The following STXBP5 variants were observed in gnomAD, a reference collection of about 807,000 sequenced individuals.
STXBP5 encodes syntaxin binding protein 5.
STXBP5 carries 50 observed loss-of-function variants against 152.4 expected under a neutral mutation model. The observed-to-expected ratio is 0.33, with a 90% CI of 0.26 to 0.42. The LOEUF (loss-of-function observed/expected upper bound fraction) is 0.42. Ranked by LOEUF, STXBP5 falls within the 10% of genes least tolerant of loss-of-function variation. The pLI is 1.00. For missense variants in STXBP5, 1,167 were observed against 1,388.6 expected (o/e 0.84, Z 2.54); for synonymous variants, 492 against 494.7 (o/e 0.99, Z 0.07).
intron 9 of STXBP5, chr6:147,292,580 C>G (rs1311232292): frequency 2.6e-5 from 4 of 151,978 alleles, no homozygotes; most frequent in Non-Finnish European, 5.8e-5. Flanking sequence ...TACATTTGTC[C>G]TATGGCAAAG....
At chr6:147,248,302 C>T (rs1346121235) in intron 4 of STXBP5, among the ~76,000 whole-genome samples, 1 of 150,006 alleles carries the variant, frequency 6.7e-6, no homozygotes, top group Non-Finnish European at 1.5e-5. Flanking sequence ...AAAAAAACTA[C>T]TTAGCTCTGC....
chr6:147,359,663 A>C (rs191880940), intron 23 of STXBP5, among the ~76,000 whole-genome samples: 1 of 127,678 alleles, frequency 7.8e-6, no homozygotes, highest in South Asian at 2.5e-4. Flanking sequence ...TCCCGTGTCC[A>C]TGTGTTCTCA....
At chr6:147,328,643 C>T in intron 18 of STXBP5, 1 of 458,774 alleles carries the variant, frequency 2.2e-6, no homozygotes. Context: ...CCCAACCATA[C>T]CATTCTAGTA....
chr6:147,276,881 G>T (rs1466068266), intron 7 of STXBP5, among the ~76,000 whole-genome samples: 1 of 152,048 alleles, frequency 6.6e-6, no homozygotes, highest in African/African-American at 2.4e-5. Flanking sequence ...AGCTCCTTAG[G>T]AATTAGAATC....
At chr6:147,230,764 G>C (rs781481029) in intron 2 of STXBP5, among the ~76,000 whole-genome samples, 1 of 151,690 alleles carries the variant, frequency 6.6e-6, no homozygotes, top group Non-Finnish European at 1.5e-5. Context: ...TCAAATCTCA[G>C]CTTCTTTACT....
rs890750763 is a variant in STXBP5, at chr6:147,388,140, T to C, written c.*3385T>C. 12 of 151,844 alleles carry C rather than the reference T, an allele frequency of 7.9e-5. No individual in the cohort carries two copies. The highest frequency in any genetic ancestry group is 6.6e-5 in the Admixed American group (1 of 15,214). The allele number at this position is 151,844 out of a possible 1,614,324, so 9.4% of individuals were successfully genotyped here. On this transcript the variant is annotated 3_prime_UTR_variant, in exon 28 of 28. Coordinates refer to ENST00000321680, the MANE Select transcript of STXBP5 (RefSeq NM_001127715.4). The stretch of plus-strand genomic sequence containing the variant: ...CACTGAACTTTAAACTTGAATTTTT[T>C]CTGCACTTTTTTAGGTAATGAAAAC...
intron 18 of STXBP5, among the ~76,000 whole-genome samples, chr6:147,329,907 G>C (rs896542308): frequency 1.3e-5 from 2 of 152,018 alleles, no homozygotes; most frequent in African/African-American, 2.4e-5. Context: ...GATTACAGGC[G>C]TGAGCCACCG....
rs1582830949 is a variant in STXBP5, at chr6:147,242,474, C to G, written c.431+3204C>G. Among the ~76,000 whole-genome samples the G allele has an allele frequency of 2.0e-5, 3 of 152,262 alleles. No individual in the cohort carries two copies. In the South Asian group the frequency reaches 6.2e-4, roughly 32 times the overall value. The stretch of plus-strand genomic sequence containing the variant: ...CAGTAATGTCCTAGGTCTTCACAGT[C>G]ACTTACCACTGACAGACTCACCCAG... On this transcript the variant is annotated intron_variant, in intron 4 of 27. Coordinates refer to ENST00000321680, the MANE Select transcript of STXBP5 (RefSeq NM_001127715.4).
intron 21 of STXBP5, 68 bp downstream of exon 21, chr6:147,339,452 T>A: frequency 8.4e-7 from 1 of 1,191,908 alleles, no homozygotes; most frequent in Non-Finnish European, 1.1e-6. Context: ...AACACCAGAA[T>A]TATCCAGTGC....
intron 5 of STXBP5, among the ~76,000 whole-genome samples, chr6:147,261,107 T>G (rs1315043614): frequency 6.6e-6 from 1 of 151,996 alleles, no homozygotes; most frequent in African/African-American, 2.4e-5. Flanking sequence ...GACCCACAAA[T>G]GAGTTGCCAC....
chr6:147,362,579 G>A (rs1001780059), intron 23 of STXBP5, among the ~76,000 whole-genome samples: 1 of 152,026 alleles, frequency 6.6e-6, no homozygotes, highest in Non-Finnish European at 1.5e-5. Context: ...TCATTTAAGA[G>A]GAATTATGAT....
intron 7 of STXBP5, among the ~76,000 whole-genome samples, chr6:147,276,666 A>G (rs543864829): frequency 1.3e-5 from 2 of 152,256 alleles, no homozygotes; most frequent in Middle Eastern, 3.4e-3. Context: ...TTGCAGAAAT[A>G]AGTTTACTTG....
intron 7 of STXBP5, among the ~76,000 whole-genome samples, chr6:147,268,265 A>G (rs572216043): frequency 1.8e-4 from 27 of 152,302 alleles, no homozygotes; most frequent in Non-Finnish European, 3.4e-4. Context: ...GTATTTTTCT[A>G]TGGAACTATG....
At chr6:147,236,193 C>T (rs971232236) in intron 3 of STXBP5, among the ~76,000 whole-genome samples, 1 of 152,114 alleles carries the variant, frequency 6.6e-6, no homozygotes, top group Admixed American at 6.5e-5. Context: ...GTAAAAACCT[C>T]CATAAAACTA....
chr6:147,304,703 G>A (rs568415713), intron 9 of STXBP5, among the ~76,000 whole-genome samples: 2 of 152,294 alleles, frequency 1.3e-5, no homozygotes, highest in South Asian at 2.1e-4. Flanking sequence ...AGCCACAGGG[G>A]CAGAGCTGTC....
intron 9 of STXBP5, among the ~76,000 whole-genome samples, chr6:147,308,015 A>T (rs1224300876): frequency 6.6e-6 from 1 of 152,132 alleles, no homozygotes; most frequent in Non-Finnish European, 1.5e-5. Flanking sequence ...AACACAGTTT[A>T]AAAAAACAGG....
intron 8 of STXBP5, among the ~76,000 whole-genome samples, chr6:147,285,126 C>A (rs149340633): frequency 7.9e-5 from 12 of 152,208 alleles, no homozygotes; most frequent in African/African-American, 2.9e-4. Flanking sequence ...AAGGAGAAAT[C>A]AGATGTGGCA....
intron 23 of STXBP5, among the ~76,000 whole-genome samples, chr6:147,361,946 T>C (rs1323520177): frequency 6.6e-6 from 1 of 152,190 alleles, no homozygotes; most frequent in Non-Finnish European, 1.5e-5. Context: ...CTGCTTAAAA[T>C]AGTGAAATTA....
chr6:147,258,305 C>T (rs986283570), intron 4 of STXBP5, among the ~76,000 whole-genome samples: 1 of 152,158 alleles, frequency 6.6e-6, no homozygotes, highest in Non-Finnish European at 1.5e-5. Flanking sequence ...GCATGTGACT[C>T]AAACATTTCC....
Sources: gnomAD v4.1 joint callset for allele counts (sites outside exome capture counted in the v4.1 genomes callset) on GRCh38, gnomAD v4.1.1 for gene constraint, MANE v1.5 for transcripts, NCBI Gene and HGNC (gene_info 2026-07-23, HGNC 2026-07-21) for gene names.